The following ZNF385B variants were observed in gnomAD, a reference collection of about 807,000 sequenced individuals.
The protein encoded by ZNF385B is zinc finger protein 385B.
In ZNF385B, 23 loss-of-function variants were observed where a neutral mutation model predicts 39.2. The ratio of observed to expected loss-of-function variants is 0.59; its 90% CI spans 0.42 to 0.83. ZNF385B has a LOEUF of 0.83. Among genes scored for constraint, ZNF385B ranks in the 40% least tolerant of loss-of-function variants. The pLI, the probability that ZNF385B is intolerant of heterozygous loss-of-function variation, is 0.00. For missense variants in ZNF385B, 552 were observed against 598.9 expected, an observed-to-expected ratio of 0.92 and a Z score of 0.82; for synonymous variants, 205 against 222.6, an observed-to-expected ratio of 0.92 and a Z score of 0.70.
intron 5 of ZNF385B, among the ~76,000 whole-genome samples, chr2:179,499,744 C>T (rs2056586807): frequency 6.6e-6 from 1 of 151,992 alleles, no homozygotes; most frequent in African/African-American, 2.4e-5. Context: ...CAAAGATGCC[C>T]ACTGTTACCA....
At chr2:179,690,340 T>C (rs549442320) in intron 3 of ZNF385B, among the ~76,000 whole-genome samples, 1 of 152,308 alleles carries the variant, frequency 6.6e-6, no homozygotes, top group East Asian at 1.9e-4. Flanking sequence ...AGTCCCTCAG[T>C]ATAAATAGGG....
intron 3 of ZNF385B, among the ~76,000 whole-genome samples, chr2:179,669,003 G>A (rs890330894): frequency 6.6e-6 from 1 of 152,270 alleles, no homozygotes. Context: ...CTTCAAGTAT[G>A]TAAATGGCTG....
chr2:179,860,713 C>A, intron 1 of ZNF385B: 1 of 401,684 alleles, frequency 2.5e-6, no homozygotes. Flanking sequence ...AAGACAAACC[C>A]CAAACTTCCA....
At chr2:179,653,738 G>T (rs1179112379) in intron 3 of ZNF385B, among the ~76,000 whole-genome samples, 3 of 152,008 alleles carry the variant, frequency 2.0e-5, no homozygotes, top group Non-Finnish European at 4.4e-5. Context: ...ACCCTAAAAG[G>T]CCTGAGACAG....
At chr2:179,849,492 A>T (rs530476255) in intron 1 of ZNF385B, among the ~76,000 whole-genome samples, 25 of 152,164 alleles carry the variant, frequency 1.6e-4, no homozygotes, top group African/African-American at 6.0e-4. Context: ...AATTTTGGAG[A>T]TTTGTTGGCA....
At chr2:179,663,052 TATTA>T (rs1694683459) in intron 3 of ZNF385B, among the ~76,000 whole-genome samples, 1 of 152,224 alleles carries the variant, frequency 6.6e-6, no homozygotes, top group Non-Finnish European at 1.5e-5. Flanking sequence ...CTGTCTTTAA[TATTA>T]ATTAGTTGTT....
intron 1 of ZNF385B, among the ~76,000 whole-genome samples, chr2:179,843,506 A>AT (rs1708648806): frequency 6.6e-6 from 1 of 152,270 alleles, no homozygotes; most frequent in Non-Finnish European, 1.5e-5. Flanking sequence ...TGAGTTATAT[A>AT]TTATCCATAT....
At chr2:179,734,947 T>A (rs917402613) in intron 3 of ZNF385B, among the ~76,000 whole-genome samples, 3 of 152,078 alleles carry the variant, frequency 2.0e-5, no homozygotes, top group East Asian at 1.9e-4. Context: ...AACCTAGGCA[T>A]TACCATTCAG....
chr2:179,808,052 T>A (rs1706491360), intron 1 of ZNF385B, among the ~76,000 whole-genome samples: 1 of 150,998 alleles, frequency 6.6e-6, no homozygotes, highest in South Asian at 2.1e-4. Context: ...TGTTTGTTTG[T>A]GACGGAGTCT....
intron 4 of ZNF385B, among the ~76,000 whole-genome samples, chr2:179,539,030 CTGTCACATCA>C (rs1481977495): frequency 6.6e-6 from 1 of 152,242 alleles, no homozygotes; most frequent in Non-Finnish European, 1.5e-5. Context: ...CACTTACTTA[CTGTCACATCA>C]TGTAAGTTGG....
At chr2:179,821,847 T>C (rs1707415976) in intron 1 of ZNF385B, among the ~76,000 whole-genome samples, 1 of 152,116 alleles carries the variant, frequency 6.6e-6, no homozygotes, top group South Asian at 2.1e-4. Context: ...CAGTTCATAA[T>C]TCATTAATCT....
intron 1 of ZNF385B, among the ~76,000 whole-genome samples, chr2:179,789,954 C>G (rs1469614087): frequency 6.6e-6 from 1 of 152,104 alleles, no homozygotes; most frequent in African/African-American, 2.4e-5. Context: ...TTCTCTACAT[C>G]TGAGGTTAGA....
At chr2:179,529,872 T>C (rs1299391314) in intron 4 of ZNF385B, among the ~76,000 whole-genome samples, 1 of 152,170 alleles carries the variant, frequency 6.6e-6, no homozygotes, top group East Asian at 1.9e-4. Flanking sequence ...TTCTGAGTGA[T>C]AGGAACAGAA....
chr2:179,710,740 T>C (rs192836109), intron 3 of ZNF385B, among the ~76,000 whole-genome samples: 3 of 152,230 alleles, frequency 2.0e-5, no homozygotes, highest in Admixed American at 6.5e-5. Flanking sequence ...ATAGACGGTG[T>C]GGTGTGCAGC....
chr2:179,463,917 G>A (rs557008944), intron 6 of ZNF385B, among the ~76,000 whole-genome samples: 1 of 152,278 alleles, frequency 6.6e-6, no homozygotes, highest in East Asian at 1.9e-4. Context: ...AGATCCTTGA[G>A]GAATTGTCAC....
chr2:179,616,666 C>G (rs1689770904), intron 3 of ZNF385B, among the ~76,000 whole-genome samples: 1 of 151,890 alleles, frequency 6.6e-6, no homozygotes, highest in South Asian at 2.1e-4. Context: ...ATCAAACAAT[C>G]TTCTCACCTC....
At chr2:179,756,792 A>G (rs1175525207) in intron 3 of ZNF385B, among the ~76,000 whole-genome samples, 1 of 151,882 alleles carries the variant, frequency 6.6e-6, no homozygotes, top group East Asian at 1.9e-4. Flanking sequence ...TGCAGTTCTC[A>G]TGCCATGGTT....
intron 1 of ZNF385B, among the ~76,000 whole-genome samples, chr2:179,848,408 G>C (rs1708910900): frequency 6.6e-6 from 1 of 152,178 alleles, no homozygotes; most frequent in Non-Finnish European, 1.5e-5. Context: ...GCAAAGCAGA[G>C]ACAACACACT....
chr2:179,557,132 A>G (rs925296674), intron 3 of ZNF385B, among the ~76,000 whole-genome samples: 1 of 149,286 alleles, frequency 6.7e-6, no homozygotes, highest in Non-Finnish European at 1.5e-5. Flanking sequence ...TTAATCTACC[A>G]TGGTACCTGA....
Sources: allele counts gnomAD v4.1 joint callset (sites outside exome capture counted in the v4.1 genomes callset), GRCh38; gene constraint gnomAD v4.1.1; transcripts MANE v1.5; gene names NCBI Gene and HGNC (gene_info 2026-07-23, HGNC 2026-07-21).